IGSF9B: variants seen among roughly 807,000 people sequenced by gnomAD.
IGSF9B encodes immunoglobulin superfamily member 9B.
IGSF9B carries 48 observed loss-of-function variants against 143.7 expected under a neutral mutation model. The ratio of observed to expected loss-of-function variants is 0.33; its 90% CI spans 0.26 to 0.42. The LOEUF (loss-of-function observed/expected upper bound fraction) is 0.42. IGSF9B is among the 20% of genes least tolerant of loss of function. The pLI, the probability that IGSF9B is intolerant of heterozygous loss-of-function variation, is 1.00. For synonymous variants in IGSF9B, 903 were observed against 833.1 expected, an observed-to-expected ratio of 1.08 and a Z score of -1.44; for missense variants, 1,706 against 1,980.0, an observed-to-expected ratio of 0.86 and a Z score of 2.63.
rs2121249831 is a variant in IGSF9B, at chr11:133,899,993, A to G, written c.*9076T>C. The G allele has an allele frequency of 6.6e-6, 1 of 152,258 alleles. No homozygotes were observed. Among genetic ancestry groups the G allele is most frequent in the African/African-American group, 2.4e-5 (1 of 41,490 alleles). The allele number at this position is 152,258 out of a possible 1,614,324, so 9.4% of individuals were successfully genotyped here. A position where few individuals can be genotyped will look rare whatever the true frequency, so the allele number is the denominator to read the frequency against. On this transcript the variant is annotated 3_prime_UTR_variant, in exon 20 of 20. Coordinates refer to ENST00000533871, the MANE Select transcript of IGSF9B (RefSeq NM_001277285.4). ...CCATTTCCCATCAGCGTCCTCGGAA[A>G]GTGGGGAGTGTTCTCAGCAGTTAAT... is the stretch of plus-strand genomic sequence containing the variant.
chr11:133,907,053 A>G lies in IGSF9B; in HGVS notation c.*2016T>C, dbSNP rs329674. ...GGTGCCCAGTGGTCAAGTGGATTCC[A>G]ACGCCCCAGAGAAGCACATCAACTG... On this transcript the variant is annotated 3_prime_UTR_variant, in exon 20 of 20. Transcript: ENST00000533871. Among the ~76,000 whole-genome samples, 104,285 of 151,994 alleles carry G rather than the reference A, an allele frequency of 0.69. 37,608 individuals carry two copies. The highest frequency in any genetic ancestry group is 0.83 in the Middle Eastern group (244 of 294).
At chr11:133,924,968 C>T (rs1391026391) in intron 14 of IGSF9B, 64 bp from the exon 15 acceptor site, 2 of 1,360,792 alleles carry the variant, frequency 1.5e-6, no homozygotes, top group East Asian at 2.3e-5. Context: ...TCCCCTCACA[C>T]ACTCATCCTG....
In IGSF9B at chr11:133,909,297, G is replaced by T; in HGVS notation, c.4106-20C>A. On this transcript the variant is annotated intron_variant, in intron 19 of 19. Coordinates refer to ENST00000533871, the MANE Select transcript of IGSF9B (RefSeq NM_001277285.4). This position sits in a 1 kb window ranked among gnomAD's most constrained non-coding sequence, Gnocchi z 4.2. ...AATCGTCTAGGAAGAAAGGAAGAGG[G>T]ACGCAAAAGAGAAGCAAGCGGATGA... 1 of 1,523,856 alleles carries T rather than the reference G, an allele frequency of 6.6e-7. No homozygotes were observed. Among genetic ancestry groups the T allele is most frequent in the East Asian group, 2.4e-5 (1 of 40,832 alleles). 94.4% of individuals were successfully genotyped at this position (1,523,856 alleles called of 1,614,324 possible). A position where few individuals can be genotyped will look rare whatever the true frequency, so the allele number is the denominator to read the frequency against.
At chr11:133,932,462 G>C (rs913474012) in intron 7 of IGSF9B, among the ~76,000 whole-genome samples, 1 of 139,080 alleles carries the variant, frequency 7.2e-6, no homozygotes, top group Non-Finnish European at 1.5e-5. Context: ...CACAGGGACA[G>C]ACAGACAGAC....
Position 133,899,044 on chromosome 11 carries a change from C to G in IGSF9B, c.*10025G>C, listed in dbSNP as rs1000148936. On this transcript the variant is annotated 3_prime_UTR_variant, in exon 20 of 20. Coordinates refer to ENST00000533871, the MANE Select transcript of IGSF9B (RefSeq NM_001277285.4). ...CCATGGGAGAGTGATTCTCACACAT[C>G]TCCCTATTCCCGACTCTTGCTCTAT... is the stretch of plus-strand genomic sequence containing the variant. 6.6e-6 allele frequency: 1 copy of G among 152,282 alleles called. No homozygotes were observed. Among genetic ancestry groups the G allele is most frequent in the African/African-American group, 2.4e-5 (1 of 41,466 alleles). The allele number at this position is 152,282 out of a possible 1,614,324, so 9.4% of individuals were successfully genotyped here. A position where few individuals can be genotyped will look rare whatever the true frequency, so the allele number is the denominator to read the frequency against.
chr11:133,912,107 A>T, intron 18 of IGSF9B, 100 bp from the exon 19 acceptor site: 1 of 1,374,464 alleles, frequency 7.3e-7, no homozygotes, highest in Non-Finnish European at 9.7e-7. Flanking sequence ...ACAGAAGGAC[A>T]GAGTTCAGTC....
At chr11:133,933,465 G>A (rs554541081) in intron 7 of IGSF9B, among the ~76,000 whole-genome samples, 22 of 152,202 alleles carry the variant, frequency 1.4e-4, no homozygotes, top group Non-Finnish European at 2.8e-4. Context: ...GCTGAATCAG[G>A]CCAGGTGCAG....
At chr11:133,947,176 C>A (rs1055365422) in intron 1 of IGSF9B, among the ~76,000 whole-genome samples, 1 of 152,160 alleles carries the variant, frequency 6.6e-6, no homozygotes, top group Non-Finnish European at 1.5e-5. Context: ...TAGAGGACGC[C>A]GCAGAGAGGA....
At chr11:133,911,776 G>A (rs907719952) in intron 19 of IGSF9B, 110 bp downstream of exon 19, 47 of 1,031,216 alleles carry the variant, frequency 4.6e-5, no homozygotes, top group African/African-American at 1.5e-4. Flanking sequence ...GAAAGCCCAA[G>A]GTTGGGGCCC....
rs1411332154 is a variant in IGSF9B, at chr11:133,907,692, G to A, written c.*1377C>T. Among the ~76,000 whole-genome samples, 1 of 152,188 alleles carries A rather than the reference G, an allele frequency of 6.6e-6. No individual in the cohort carries two copies. The highest frequency in any genetic ancestry group is 2.4e-5 in the African/African-American group (1 of 41,456). On this transcript the variant is annotated 3_prime_UTR_variant, in exon 20 of 20. Coordinates refer to ENST00000533871, the MANE Select transcript of IGSF9B (RefSeq NM_001277285.4). ...GAACCAGGACCAGACTTTGGCAGAGGAAGAGTCAGTGCCCAGACCCTACTC... is the reference window on the plus strand; with the variant it reads ...GAACCAGGACCAGACTTTGGCAGAGAAAGAGTCAGTGCCCAGACCCTACTC...
At chr11:133,941,716 C>T (rs1185425204) in intron 3 of IGSF9B, among the ~76,000 whole-genome samples, 2 of 152,172 alleles carry the variant, frequency 1.3e-5, no homozygotes, top group Non-Finnish European at 2.9e-5. Context: ...GGTGCACCAT[C>T]CCCAGCTTTC....
rs1175643435 is a variant in IGSF9B, at chr11:133,924,857, G to C, written c.2082C>G (p.Ile694Met). 10 of 1,613,676 alleles carry C rather than the reference G, an allele frequency of 6.2e-6. No homozygotes were observed. In the South Asian group the frequency reaches 9.9e-5, roughly 16 times the overall value. The change falls in exon 15 of 20, where the codon ATC (isoleucine) becomes ATG (methionine). Residue 694 changes from isoleucine (I) to methionine (M), a missense_variant. Physicochemically the swap from Ile to Met is conservative, Grantham distance 10. Coordinates refer to ENST00000533871, the MANE Select transcript of IGSF9B (RefSeq NM_001277285.4). Reference protein sequence around the residue: ...FRVLAVMQDLISEPSNIAGVS... With the variant: ...FRVLAVMQDLMSEPSNIAGVS... ...CGCCGGCGATGTTGCTGGGCTCGCTGATCAGATCCTGCATGACGGCCAGAA... is the reference window on the plus strand; with the variant it reads ...CGCCGGCGATGTTGCTGGGCTCGCTCATCAGATCCTGCATGACGGCCAGAA...
chr11:133,943,064 A>G (rs1225935292), intron 3 of IGSF9B, among the ~76,000 whole-genome samples: 2 of 152,200 alleles, frequency 1.3e-5, no homozygotes, highest in African/African-American at 4.8e-5. Flanking sequence ...CAGGGCAGAC[A>G]GAGCCACCCT....
At position 133,920,922 on chromosome 11, in the gene IGSF9B, G is replaced by C. The variant is rs375404016; in HGVS notation, c.2803C>G (p.Arg935Gly). The C allele has an allele frequency of 1.2e-6, 2 of 1,609,636 alleles. No homozygotes were observed. Among genetic ancestry groups the C allele is most frequent in the Middle Eastern group, 1.7e-4 (1 of 6,018 alleles). ...PPAYSPRFQPRGLEGPGGLEG... is the reference protein window; with the variant it reads ...PPAYSPRFQPGGLEGPGGLEG... Reference sequence around the variant, plus strand: ...AGGCCACCGGGGCCCTCCAGCCCGCGGGGCTGGAACCGAGGGCTGTATGCT... The same window carrying C: ...AGGCCACCGGGGCCCTCCAGCCCGCCGGGCTGGAACCGAGGGCTGTATGCT... The change falls in exon 18 of 20, where the codon CGC (arginine) becomes GGC (glycine). Residue 935 changes from arginine (R) to glycine (G), a missense_variant. Physicochemically the swap from Arg to Gly is moderately radical, Grantham distance 125 (BLOSUM62 -2). Transcript: ENST00000533871.
chr11:133,927,160 C>T, intron 12 of IGSF9B, 69 bp from the exon 13 acceptor site: 2 of 1,293,850 alleles, frequency 1.5e-6, no homozygotes, highest in Non-Finnish European at 2.1e-6. Flanking sequence ...GAAGAGGGTG[C>T]ATGCAGGGTG....
In IGSF9B at chr11:133,909,148, T is replaced by G. The variant is rs1591706293; in HGVS notation, c.4235A>C (p.His1412Pro). The G allele has an allele frequency of 6.5e-7, 1 of 1,535,816 alleles. No individual in the cohort carries two copies. The highest frequency in any genetic ancestry group is 8.7e-7 in the Non-Finnish European group (1 of 1,146,730). The change falls in exon 20 of 20, where the codon CAC becomes CCC. Residue 1412 changes from histidine (H) to proline (P), a missense_variant. Transcript: ENST00000533871. The surrounding 1 kb of genome is among the most constrained non-coding windows in gnomAD (Gnocchi z 4.2). ...TGTCTGGTCTTCCGGAAGCTGGCGG[T>G]GGCACAAGTCTGAGAGCCGGGCAAA... ...DPFARLSDLC[H>P]RQLPEDQTAI...
intron 14 of IGSF9B, 23 bp downstream of exon 14, chr11:133,925,716 G>GC (rs757492819): frequency 6.3e-7 from 1 of 1,594,704 alleles, no homozygotes; most frequent in East Asian, 2.2e-5. Flanking sequence ...GGAAGCAGCA[G>GC]CAAGGAAGAG....
intron 18 of IGSF9B, among the ~76,000 whole-genome samples, chr11:133,914,742 A>C (rs1233875133): frequency 5.3e-5 from 8 of 152,176 alleles, no homozygotes; most frequent in Admixed American, 5.2e-4. Flanking sequence ...GCAGAACAGG[A>C]GGGAGGAAGC....
chr11:133,922,456 G>T, intron 16 of IGSF9B, 113 bp downstream of exon 16: 2 of 1,124,706 alleles, frequency 1.8e-6, no homozygotes, highest in East Asian at 5.1e-5. Context: ...CTACCCACAA[G>T]ATCTCAATGT....
Sources: allele counts gnomAD v4.1 joint callset (sites outside exome capture counted in the v4.1 genomes callset), GRCh38; gene constraint gnomAD v4.1.1; non-coding constraint Gnocchi (gnomAD v3.1); transcripts MANE v1.5; gene names NCBI Gene and HGNC (gene_info 2026-07-23, HGNC 2026-07-21).